SVOPL: variants seen among roughly 807,000 people sequenced by gnomAD.
The protein encoded by SVOPL is putative transporter SVOPL.
Under a neutral mutation model 61.0 loss-of-function variants are expected in SVOPL, and 60 were observed. That is an observed-to-expected ratio of 0.98 (90% CI 0.80 to 1.22). SVOPL has a LOEUF of 1.22. SVOPL is among the 50% of genes most tolerant of loss of function. SVOPL has a pLI of 0.00. For missense variants in SVOPL, 662 were observed against 643.9 expected (o/e 1.03, Z -0.30); for synonymous variants, 279 against 250.0 (o/e 1.12, Z -1.09).
At chr7:138,621,241 C>A in intron 13 of SVOPL, 106 bp from the exon 14 acceptor site, 2 of 779,260 alleles carry the variant, frequency 2.6e-6, no homozygotes, top group Non-Finnish European at 2.0e-6. Flanking sequence ...CATAGAGCAC[C>A]AAACACAGTT....
At chr7:138,699,065 T>C (rs1803133507) in intron 1 of SVOPL, among the ~76,000 whole-genome samples, 1 of 152,114 alleles carries the variant, frequency 6.6e-6, no homozygotes, top group African/African-American at 2.4e-5. Flanking sequence ...GGCAGGAGAA[T>C]TGCTTGAACC....
intron 14 of SVOPL, among the ~76,000 whole-genome samples, chr7:138,599,159 C>CAAAA (rs1336279820): frequency 1.2e-5 from 1 of 82,734 alleles, no homozygotes; most frequent in Non-Finnish European, 2.2e-5. Context: ...AAAAAAAAAC[C>CAAAA]AAAAAAAAAA....
intron 14 of SVOPL, among the ~76,000 whole-genome samples, chr7:138,618,795 A>G (rs1319061836): frequency 1.3e-5 from 2 of 152,160 alleles, no homozygotes; most frequent in African/African-American, 2.4e-5. Flanking sequence ...ACAGAAAGAT[A>G]GGAAAAGAAA....
chr7:138,689,078 C>A, intron 1 of SVOPL: 1 of 736,784 alleles, frequency 1.4e-6, no homozygotes. Flanking sequence ...ATGACACTTC[C>A]CAGGTCATCA....
intron 7 of SVOPL, among the ~76,000 whole-genome samples, chr7:138,655,923 T>C (rs919455326): frequency 2.6e-5 from 4 of 152,182 alleles, no homozygotes; most frequent in African/African-American, 7.2e-5. Context: ...GAGAATTGAC[T>C]GCAATTTTGA....
At chr7:138,648,338 C>T (rs985129685) in intron 8 of SVOPL, among the ~76,000 whole-genome samples, 5 of 151,870 alleles carry the variant, frequency 3.3e-5, no homozygotes, top group African/African-American at 1.2e-4. Context: ...TGGCCTGGCG[C>T]GGTGGCTCAT....
At chr7:138,605,354 T>C (rs1305603478) in intron 14 of SVOPL, among the ~76,000 whole-genome samples, 1 of 151,134 alleles carries the variant, frequency 6.6e-6, no homozygotes, top group African/African-American at 2.4e-5. Flanking sequence ...AATTTTCCCA[T>C]GTCTTTTTAA....
At chr7:138,662,445 G>A (rs1802041139) in intron 5 of SVOPL, 2 of 985,256 alleles carry the variant, frequency 2.0e-6, no homozygotes, top group African/African-American at 3.5e-5. Flanking sequence ...TGCTCTGGGG[G>A]GTTAGAGACT....
intron 3 of SVOPL, among the ~76,000 whole-genome samples, chr7:138,676,944 T>TC (rs200489296): frequency 0.31 from 42,993 of 140,376 alleles, 6,853 homozygotes; most frequent in Middle Eastern, 0.46. Flanking sequence ...CGCTCTGTCA[T>TC]CAGGGCTGGA....
chr7:138,651,935 T>C (rs888314593), intron 7 of SVOPL, among the ~76,000 whole-genome samples: 3 of 152,202 alleles, frequency 2.0e-5, no homozygotes, highest in African/African-American at 7.2e-5. Flanking sequence ...GGTCTCGCTC[T>C]GTTGCCCAGG....
intron 3 of SVOPL, among the ~76,000 whole-genome samples, chr7:138,675,333 A>C (rs1455920568): frequency 6.6e-6 from 1 of 152,156 alleles, no homozygotes; most frequent in African/African-American, 2.4e-5. Context: ...CTACCTCCAG[A>C]TCACACAACC....
At chr7:138,698,735 T>A (rs1418754582) in intron 1 of SVOPL, among the ~76,000 whole-genome samples, 1 of 152,226 alleles carries the variant, frequency 6.6e-6, no homozygotes, top group Non-Finnish European at 1.5e-5. Context: ...TTATAAAATA[T>A]GTCAATGTGC....
intron 14 of SVOPL, among the ~76,000 whole-genome samples, chr7:138,619,279 A>C (rs898067440): frequency 6.6e-6 from 1 of 152,030 alleles, no homozygotes; most frequent in African/African-American, 2.4e-5. Context: ...ATGGTGGTGC[A>C]TGCCTGTAGT....
intron 14 of SVOPL, among the ~76,000 whole-genome samples, chr7:138,608,785 A>G (rs1798867756): frequency 6.6e-6 from 1 of 152,238 alleles, no homozygotes. Flanking sequence ...GACTCGAGAA[A>G]TATACAGAGA....
At chr7:138,680,326 T>C (rs1264069382) in intron 1 of SVOPL, among the ~76,000 whole-genome samples, 1 of 151,988 alleles carries the variant, frequency 6.6e-6, no homozygotes, top group Non-Finnish European at 1.5e-5. Context: ...TTTTTGTGTT[T>C]TTAGTAGAGA....
Position 138,594,451 on chromosome 7 carries a change from C to T in SVOPL, c.*159G>A, listed in dbSNP as rs185768980. 4.4e-3 allele frequency: 2,066 copies of T among 467,050 alleles called. 8 individuals are homozygous for T. The highest frequency in any genetic ancestry group is 5.3e-3 in the Non-Finnish European group (1,400 of 265,866). 28.9% of individuals were successfully genotyped at this position (467,050 alleles called of 1,614,324 possible). On this transcript the variant is annotated 3_prime_UTR_variant, in exon 16 of 16. Coordinates refer to ENST00000674285, the MANE Select transcript of SVOPL (RefSeq NM_001139456.2). ...GTTCCTCAAGGAAGAGATCAATATA[C>T]AGTTACCTACCCCATTCCCATATAT... is the stretch of plus-strand genomic sequence containing the variant.
chr7:138,628,266 C>T lies in SVOPL; in HGVS notation c.961G>A (p.Val321Met), dbSNP rs753872186. Residue 321 changes from valine to methionine, a missense_variant, in exon 11 of 16, where the codon GTG becomes ATG. Coordinates refer to ENST00000674285, the MANE Select transcript of SVOPL (RefSeq NM_001139456.2). ...VCGSKSDSAV[V>M]VTGGDSGESQ... Reference sequence around the variant, plus strand: ...TCCCCTGAGTCCCCCCCAGTCACCACCACCGCAGAGTCTGACTTTGAACCA... The same window carrying T: ...TCCCCTGAGTCCCCCCCAGTCACCATCACCGCAGAGTCTGACTTTGAACCA... The T allele has an allele frequency of 1.2e-5, 20 of 1,614,082 alleles. No homozygotes were observed. Among genetic ancestry groups the T allele is most frequent in the East Asian group, 2.2e-5 (1 of 44,898 alleles).
At chr7:138,608,876 C>A (rs1203381556) in intron 14 of SVOPL, among the ~76,000 whole-genome samples, 1 of 152,140 alleles carries the variant, frequency 6.6e-6, no homozygotes, top group Non-Finnish European at 1.5e-5. Context: ...AATAACAAAT[C>A]TCTGCAACGT....
intron 9 of SVOPL, among the ~76,000 whole-genome samples, chr7:138,635,429 G>A (rs1267432595): frequency 1.3e-5 from 2 of 150,994 alleles, no homozygotes; most frequent in Non-Finnish European, 3.0e-5. Context: ...TGGGGGTGGG[G>A]GTCTCACTAT....
Sources: allele counts gnomAD v4.1 joint callset (sites outside exome capture counted in the v4.1 genomes callset), GRCh38; gene constraint gnomAD v4.1.1; transcripts MANE v1.5; gene names NCBI Gene and HGNC (gene_info 2026-07-23, HGNC 2026-07-21).